NQO2: variants seen among roughly 807,000 people sequenced by gnomAD.
NQO2 encodes the protein N-ribosyldihydronicotinamide:quinone dehydrogenase 2.
In NQO2, 18 loss-of-function variants were observed where a neutral mutation model predicts 22.0. The observed-to-expected ratio is 0.82, with a 90% CI of 0.56 to 1.21. NQO2 has a LOEUF of 1.21. Ranked by LOEUF, NQO2 falls within the 50% of genes most tolerant of loss-of-function variation. The pLI is 0.00. For missense variants in NQO2, 267 were observed against 286.9 expected (o/e 0.93, Z 0.50); for synonymous variants, 106 against 110.8 (o/e 0.96, Z 0.28).
At chr6:3,016,197 G>A (rs1054822251) in intron 5 of NQO2, among the ~76,000 whole-genome samples, 3 of 152,156 alleles carry the variant, frequency 2.0e-5, no homozygotes, top group African/African-American at 7.2e-5. Context: ...TTGGGAGGCC[G>A]AGGAGGGTGG....
At chr6:3,012,727 T>C (rs1757178394) in intron 4 of NQO2, 53 bp downstream of exon 4, 2 of 1,554,442 alleles carry the variant, frequency 1.3e-6, no homozygotes, top group Admixed American at 1.8e-5. Context: ...ATGTACAAAC[T>C]CTTTCTGAAT....
At chr6:3,005,835 G>A in intron 1 of NQO2, 3 of 984,398 alleles carry the variant, frequency 3.0e-6, no homozygotes, top group Non-Finnish European at 3.6e-6. Context: ...TTGATGAGGA[G>A]GTTGAGGCAC....
At chr6:3,009,193 C>T (rs536939640) in intron 2 of NQO2, among the ~76,000 whole-genome samples, 1 of 152,328 alleles carries the variant, frequency 6.6e-6, no homozygotes, top group East Asian at 1.9e-4. Flanking sequence ...AGAGGCCCAC[C>T]CTCAGGGACG....
chr6:3,003,144 C>G (rs529629608), intron 1 of NQO2, among the ~76,000 whole-genome samples: 14 of 152,336 alleles, frequency 9.2e-5, no homozygotes, highest in Non-Finnish European at 2.1e-4. Context: ...AGCCTCCCAG[C>G]TAATGATGAA....
At chr6:3,001,298 T>G (rs556735982) in intron 1 of NQO2, among the ~76,000 whole-genome samples, 1 of 152,038 alleles carries the variant, frequency 6.6e-6, no homozygotes, top group East Asian at 1.9e-4. Context: ...ACCATATTAG[T>G]CAGGCTGGTC....
At chr6:3,007,518 TC>T (rs574059039) in intron 2 of NQO2, among the ~76,000 whole-genome samples, 202 of 152,370 alleles carry the variant, frequency 1.3e-3, no homozygotes, top group African/African-American at 4.7e-3. Flanking sequence ...CCTTAAAGTG[TC>T]ATTATGAAAA....
chr6:3,010,195 T>C lies in NQO2; in HGVS notation c.172+6T>C. Reference sequence around the variant, plus strand: ...CACAGACAAAGATATCACTGGTGAGTCATGGGATAAATGCTCTATTTATAA... The same window carrying C: ...CACAGACAAAGATATCACTGGTGAGCCATGGGATAAATGCTCTATTTATAA... On this transcript the variant is annotated splice_donor_region_variant and intron_variant, in intron 3 of 6. Transcript: ENST00000380455. 6.3e-7 allele frequency: 1 copy of C among 1,588,904 alleles called. No individual in the cohort carries two copies. Among genetic ancestry groups the C allele is most frequent in the Non-Finnish European group, 8.6e-7 (1 of 1,167,020 alleles).
rs1386233423 is a variant in NQO2, at chr6:2,999,914, G to A, written c.-257G>A. On this transcript the variant is annotated 5_prime_UTR_variant, in exon 1 of 7. Coordinates refer to ENST00000380455, the MANE Select transcript of NQO2 (RefSeq NM_000904.6). ...GCGGGGCAGGTTCCGGGCTGCTTAGGTTGGCACCGGTCCGTGGTCCCCGGG... is the reference window on the plus strand; with the variant it reads ...GCGGGGCAGGTTCCGGGCTGCTTAGATTGGCACCGGTCCGTGGTCCCCGGG... The A allele has an allele frequency of 6.6e-6, 1 of 152,328 alleles. No homozygotes were observed. Among genetic ancestry groups the A allele is most frequent in the Non-Finnish European group, 1.5e-5 (1 of 68,138 alleles). 9.4% of individuals were successfully genotyped at this position (152,328 alleles called of 1,614,324 possible).
In NQO2 at chr6:3,012,946, CTT is replaced by C. The variant is rs751626888; in HGVS notation, c.303+298_303+299del. ...AACACTGTACGTAGATGTAACACTA[CTT>C]TTTTTTTTTTTTTTTTTTTTTTTTT... On this transcript the variant is annotated intron_variant, in intron 4 of 6. Transcript: ENST00000380455. Among the ~76,000 whole-genome samples the C allele has an allele frequency of 7.0e-3, 425 of 60,616 alleles. 2 individuals are homozygous for C. Among genetic ancestry groups the C allele is most frequent in the Non-Finnish European group, 7.9e-3 (260 of 32,766 alleles). The allele number at this position is 60,616 out of a possible 152,430, so 39.8% of individuals were successfully genotyped here.
At chr6:3,010,584 C>T (rs902093335) in intron 3 of NQO2, among the ~76,000 whole-genome samples, 5 of 152,078 alleles carry the variant, frequency 3.3e-5, no homozygotes. Context: ...AGGAAGGAGA[C>T]CTGTTCCTGC....
chr6:3,019,730 C>T lies in NQO2; in HGVS notation c.*75C>T. 1 of 1,309,936 alleles carries T rather than the reference C, an allele frequency of 7.6e-7. No individual in the cohort carries two copies. The allele number at this position is 1,309,936 out of a possible 1,614,324, so 81.1% of individuals were successfully genotyped here. A position where few individuals can be genotyped will look rare whatever the true frequency, so the allele number is the denominator to read the frequency against. On this transcript the variant is annotated 3_prime_UTR_variant, in exon 7 of 7. Transcript: ENST00000380455. Reference sequence around the variant, plus strand: ...GCAGGCAAAGAGAAGATGGTGCTGTCATGAAATAAAATTACAACATAGCTA... The same window carrying T: ...GCAGGCAAAGAGAAGATGGTGCTGTTATGAAATAAAATTACAACATAGCTA...
intron 1 of NQO2, among the ~76,000 whole-genome samples, chr6:3,005,219 T>A (rs962512773): frequency 3.9e-5 from 6 of 152,234 alleles, no homozygotes; most frequent in Non-Finnish European, 7.3e-5. Context: ...GGTGGGCAAG[T>A]GGTTTTCAAG....
chr6:3,008,853 G>A (rs574229213), intron 2 of NQO2, among the ~76,000 whole-genome samples: 1 of 152,282 alleles, frequency 6.6e-6, no homozygotes, highest in African/African-American at 2.4e-5. Flanking sequence ...TTTTCCAAAG[G>A]GGAGGGAGTG....
intron 3 of NQO2, 103 bp downstream of exon 3, chr6:3,010,292 T>C (rs1757100749): frequency 9.8e-7 from 1 of 1,022,788 alleles, no homozygotes; most frequent in Non-Finnish European, 1.4e-6. Context: ...AGAAGCAAGC[T>C]AGCTTCACTT....
intron 2 of NQO2, among the ~76,000 whole-genome samples, chr6:3,009,478 A>C (rs1178282167): frequency 6.6e-6 from 1 of 152,200 alleles, no homozygotes; most frequent in Non-Finnish European, 1.5e-5. Context: ...CATCCTCCTC[A>C]GCTTATGAAG....
intron 4 of NQO2, chr6:3,015,131 G>C: frequency 7.7e-7 from 1 of 1,298,344 alleles, no homozygotes; most frequent in Non-Finnish European, 1.0e-6. Flanking sequence ...ACCGAACTCA[G>C]TCTGACTTCC....
intron 4 of NQO2, 146 bp downstream of exon 4, chr6:3,012,820 T>A: frequency 1.3e-6 from 1 of 763,692 alleles, no homozygotes; most frequent in Non-Finnish European, 2.1e-6. Context: ...TGTAACCTGG[T>A]TACAACACCT....
chr6:3,009,910 T>G, intron 2 of NQO2, 115 bp from the exon 3 acceptor site: 5 of 1,445,432 alleles, frequency 3.5e-6, no homozygotes, highest in Non-Finnish European at 3.7e-6. Flanking sequence ...AATTTGATAT[T>G]TCTTAGCTTC....
At chr6:3,013,230 C>G (rs915730414) in intron 4 of NQO2, among the ~76,000 whole-genome samples, 2 of 152,126 alleles carry the variant, frequency 1.3e-5, no homozygotes, top group Non-Finnish European at 2.9e-5. Context: ...GCTGGGATTA[C>G]AGGCGTGAGC....
Sources: gnomAD v4.1 joint callset for allele counts (sites outside exome capture counted in the v4.1 genomes callset) on GRCh38, gnomAD v4.1.1 for gene constraint, MANE v1.5 for transcripts, NCBI Gene and HGNC (gene_info 2026-07-23, HGNC 2026-07-21) for gene names.